MTCH1: variants seen among roughly 807,000 people sequenced by gnomAD.
MTCH1 encodes the protein mitochondrial carrier 1, also known as mitochondrial carrier homolog 1.
MTCH1 carries 23 observed loss-of-function variants against 49.3 expected under a neutral mutation model. The ratio of observed to expected loss-of-function variants is 0.47; its 90% CI spans 0.34 to 0.66. MTCH1 has a LOEUF of 0.66. Ranked by LOEUF, MTCH1 falls within the 30% of genes least tolerant of loss-of-function variation. The pLI is 0.01. For synonymous variants in MTCH1, 229 were observed against 215.2 expected (o/e 1.06, Z -0.56); for missense variants, 397 against 532.1 (o/e 0.75, Z 2.50).
chr6:36,968,797 G>A lies in MTCH1; in HGVS notation c.*106C>T. ...GGAACTGAAGCCCGGCTGGGCTGGA[G>A]CACATCTGGTTGTTGTTGGGTTGGA... On this transcript the variant is annotated 3_prime_UTR_variant, in exon 12 of 12. Coordinates refer to ENST00000373627, the MANE Select transcript of MTCH1 (RefSeq NM_001271641.2). 6.5e-7 allele frequency: 1 copy of A among 1,535,426 alleles called. No homozygotes were observed. The highest frequency in any genetic ancestry group is 9.0e-7 in the Non-Finnish European group (1 of 1,115,764).
intron 2 of MTCH1, among the ~76,000 whole-genome samples, chr6:36,981,313 T>C (rs1764078590): frequency 1.3e-5 from 2 of 152,162 alleles, no homozygotes; most frequent in Admixed American, 6.5e-5. Flanking sequence ...GTGTCCTAGA[T>C]TGGCTCCTCT....
In MTCH1 at chr6:36,978,489, C is replaced by G. The variant is rs1274972763; in HGVS notation, c.513+16G>C. ...GGAAACCTCGGGCGACTGTTCCTGG[C>G]TTTGTGTGGGCTCACCTTCTTCATG... is the stretch of plus-strand genomic sequence containing the variant. On this transcript the variant is annotated intron_variant, in intron 3 of 11. Coordinates refer to ENST00000373627, the MANE Select transcript of MTCH1 (RefSeq NM_001271641.2). The G allele has an allele frequency of 8.1e-6, 13 of 1,612,632 alleles. No homozygotes were observed. The highest frequency in any genetic ancestry group is 1.1e-5 in the South Asian group (1 of 90,940).
intron 11 of MTCH1, chr6:36,969,690 G>C (rs1332318754): frequency 7.4e-6 from 9 of 1,211,078 alleles, no homozygotes; most frequent in Non-Finnish European, 9.4e-6. Context: ...TACAGACCTC[G>C]AATTTTCAGC....
At chr6:36,981,817 G>A in intron 1 of MTCH1, 145 bp from the exon 2 acceptor site, 1 of 696,834 alleles carries the variant, frequency 1.4e-6, no homozygotes, top group Non-Finnish European at 2.3e-6. Context: ...CCCCATCAAA[G>A]CATACCAGAA....
At chr6:36,986,512 G>T (rs867083070), upstream of MTCH1, among the ~76,000 whole-genome samples, 3 of 152,210 alleles carry the variant, frequency 2.0e-5, no homozygotes, top group Middle Eastern at 3.4e-3. Flanking sequence ...GGTCTGAGGC[G>T]CTTCCAAGCC....
Position 36,986,193 on chromosome 6 carries a change from A to G in MTCH1, c.-20T>C, listed in dbSNP as rs990662774. On this transcript the variant is annotated 5_prime_UTR_variant, in exon 1 of 12. Transcript: ENST00000373627. ...TCCCATGGCGCCCGGCGGCGAGGTCACTCCCCGTCACGTGACGGGGCCACG... is the reference window on the plus strand; with the variant it reads ...TCCCATGGCGCCCGGCGGCGAGGTCGCTCCCCGTCACGTGACGGGGCCACG... 4.2e-6 allele frequency: 6 copies of G among 1,415,964 alleles called. No homozygotes were observed. The African/African-American group carries it at 6.1e-5, about 14-fold the overall frequency. The allele number at this position is 1,415,964 out of a possible 1,614,324, so 87.7% of individuals were successfully genotyped here.
At chr6:36,971,557 C>A (rs568446461) in intron 8 of MTCH1, among the ~76,000 whole-genome samples, 12 of 151,936 alleles carry the variant, frequency 7.9e-5, no homozygotes, top group African/African-American at 2.7e-4. Context: ...TGGGGTGGGT[C>A]TCTATGGAGC....
chr6:36,976,399 G>A, intron 6 of MTCH1: 1 of 384,118 alleles, frequency 2.6e-6, no homozygotes, highest in South Asian at 2.0e-5. Context: ...CAAAGCCCTG[G>A]GTAGCCCCGG....
chr6:36,985,983 C>A lies in MTCH1; in HGVS notation c.191G>T (p.Arg64Met). 6.5e-7 allele frequency: 1 copy of A among 1,546,430 alleles called. No individual in the cohort carries two copies. The highest frequency in any genetic ancestry group is 2.5e-5 in the East Asian group (1 of 40,334). Residue 64 changes from arginine (R) to methionine (M), a missense_variant, in exon 1 of 12, where the codon AGG becomes ATG. Arg to Met is a moderately conservative substitution (Grantham distance 91, BLOSUM62 -1). Around this residue, in one of 2 missense-constraint regions of MTCH1, gnomAD observed 145 missense variants for 143.8 expected, o/e 1.01. Transcript: ENST00000373627. ...PRPAAQPSAR[R>M]MDGGSGGLGS... ...CAGGCCCCCTGACCCGCCATCCATCCTGCGGGCCGAGGGCTGAGCCGCAGG... is the reference window on the plus strand; with the variant it reads ...CAGGCCCCCTGACCCGCCATCCATCATGCGGGCCGAGGGCTGAGCCGCAGG...
At chr6:36,981,434 T>C (rs1361702593) in intron 2 of MTCH1, among the ~76,000 whole-genome samples, 154 bp downstream of exon 2, 1 of 152,150 alleles carries the variant, frequency 6.6e-6, no homozygotes, top group Non-Finnish European at 1.5e-5. Context: ...CCCGACACCA[T>C]GTCCTCTCTG....
intron 10 of MTCH1, 39 bp from the exon 11 acceptor site, chr6:36,970,153 A>G (rs760241092): frequency 3.1e-6 from 5 of 1,602,014 alleles, no homozygotes; most frequent in Non-Finnish European, 4.3e-6. Context: ...AGAACAGTGG[A>G]AGACAGCCAG....
At chr6:36,978,002 A>T in intron 4 of MTCH1, 76 bp downstream of exon 4, 1 of 1,326,580 alleles carries the variant, frequency 7.5e-7, no homozygotes, top group South Asian at 1.2e-5. Context: ...CTTGTCAATG[A>T]CCCGCCCAAC....
At chr6:36,985,795 C>T in intron 1 of MTCH1, 58 bp downstream of exon 1, 1 of 1,305,302 alleles carries the variant, frequency 7.7e-7, no homozygotes, top group Non-Finnish European at 1.0e-6. Context: ...CCTCCAAATC[C>T]TGGCCTGTCA....
intron 2 of MTCH1, 104 bp downstream of exon 2, chr6:36,981,484 G>T: frequency 9.7e-7 from 1 of 1,030,880 alleles, no homozygotes; most frequent in Non-Finnish European, 1.4e-6. Flanking sequence ...GCTCGACTGC[G>T]TGCCATGCTG....
Position 36,982,578 on chromosome 6 carries a change from G to A in MTCH1, c.322-906C>T, listed in dbSNP as rs1478627915. On this transcript the variant is annotated intron_variant, in intron 1 of 11. Coordinates refer to ENST00000373627, the MANE Select transcript of MTCH1 (RefSeq NM_001271641.2). The surrounding 1 kb of genome is among the most constrained non-coding windows in gnomAD (Gnocchi z 4.1). The stretch of plus-strand genomic sequence containing the variant: ...AATTTTTTGTATTTTTAGTAGAGAC[G>A]GGGTTTCTCCATGTTGGTCAGGCTG... Among the ~76,000 whole-genome samples the A allele has an allele frequency of 2.0e-5, 3 of 152,080 alleles. No homozygotes were observed. The highest frequency in any genetic ancestry group is 2.9e-5 in the Non-Finnish European group (2 of 68,010).
chr6:36,986,146 G>C lies in MTCH1; in HGVS notation c.28C>G (p.Pro10Ala). 2 of 1,435,234 alleles carry C rather than the reference G, an allele frequency of 1.4e-6. No homozygotes were observed. Among genetic ancestry groups the C allele is most frequent in the Non-Finnish European group, 1.8e-6 (2 of 1,102,354 alleles). The allele number at this position is 1,435,234 out of a possible 1,614,324, so 88.9% of individuals were successfully genotyped here. The change falls in exon 1 of 12, where the codon CCC becomes GCC. Residue 10 changes from proline (P) to alanine (A), a missense_variant. Coordinates refer to ENST00000373627, the MANE Select transcript of MTCH1 (RefSeq NM_001271641.2). MGASDPEVA[P>A]WARGGAAGMA... Reference sequence around the variant, plus strand: ...CCCGCGGCACCGCCGCGAGCCCAGGGCGCCACTTCCGGGTCCGAAGCTCCC... The same window carrying C: ...CCCGCGGCACCGCCGCGAGCCCAGGCCGCCACTTCCGGGTCCGAAGCTCCC...
chr6:36,970,219 C>T (rs1039107354), intron 10 of MTCH1, 105 bp from the exon 11 acceptor site: 32 of 1,436,314 alleles, frequency 2.2e-5, no homozygotes, highest in Non-Finnish European at 3.1e-5. Flanking sequence ...CATCCACACC[C>T]TGACCCCTGA....
chr6:36,969,032 C>A, intron 11 of MTCH1, 58 bp from the exon 12 acceptor site: 1 of 1,593,940 alleles, frequency 6.3e-7, no homozygotes, highest in Non-Finnish European at 8.5e-7. Flanking sequence ...CTTGTCCCTC[C>A]GAGAGGAAGG....
rs567685017 is a variant in MTCH1 at position 36,982,480 on chromosome 6, C to T, written c.322-808G>A. ...CGCAACCTCCACCTCCTCCACCTCC[C>T]GGGTTCAAGTGATTCTCCTACCCCA... On this transcript the variant is annotated intron_variant, in intron 1 of 11. Coordinates refer to ENST00000373627, the MANE Select transcript of MTCH1 (RefSeq NM_001271641.2). This position sits in a 1 kb window ranked among gnomAD's most constrained non-coding sequence, Gnocchi z 4.1. Among the ~76,000 whole-genome samples, 17 of 152,124 alleles carry T rather than the reference C, an allele frequency of 1.1e-4. No individual in the cohort carries two copies. In the South Asian group the frequency reaches 2.5e-3, roughly 22 times the overall value.
Sources: allele counts gnomAD v4.1 joint callset (sites outside exome capture counted in the v4.1 genomes callset), GRCh38; gene constraint gnomAD v4.1.1; regional missense constraint gnomAD v4.1.1; non-coding constraint Gnocchi (gnomAD v3.1); transcripts MANE v1.5; gene names NCBI Gene and HGNC (gene_info 2026-07-23, HGNC 2026-07-21).